PKHD1L1: variants seen among roughly 807,000 people sequenced by gnomAD.
PKHD1L1 encodes fibrocystin-L.
PKHD1L1 carries 434 observed loss-of-function variants against 462.9 expected under a neutral mutation model. That is an observed-to-expected ratio of 0.94 (90% CI 0.87 to 1.02). The LOEUF (loss-of-function observed/expected upper bound fraction) is 1.02, where lower values mean the gene tolerates loss of function less well. Among genes scored for constraint, PKHD1L1 ranks in the 50% least tolerant of loss-of-function variants. PKHD1L1 has a pLI of 0.00. For missense variants in PKHD1L1, 5,202 were observed against 5,096.1 expected (o/e 1.02, Z -0.63); for synonymous variants, 1,781 against 1,750.0 (o/e 1.02, Z -0.44).
rs1468631258 is a variant in PKHD1L1, at chr8:109,440,101, CCT to C, written c.3957-604_3957-603del. Among the ~76,000 whole-genome samples, 19 of 152,060 alleles carry C rather than the reference CCT, an allele frequency of 1.2e-4. No homozygotes were observed. In the East Asian group the frequency reaches 3.5e-3, roughly 28 times the overall value. ...ACAATGATTCACGTGATTTTTTCTGCCTCTCTGCAGTTACGAGGGAAGTTGGG... is the reference window on the plus strand; with the variant it reads ...ACAATGATTCACGTGATTTTTTCTGCCTCTGCAGTTACGAGGGAAGTTGGG... On this transcript the variant is annotated intron_variant, in intron 32 of 77. Coordinates refer to ENST00000378402, the MANE Select transcript of PKHD1L1 (RefSeq NM_177531.6).
chr8:109,372,430 T>C (rs187847905), intron 2 of PKHD1L1, among the ~76,000 whole-genome samples: 2 of 152,344 alleles, frequency 1.3e-5, no homozygotes, highest in African/African-American at 2.4e-5. Flanking sequence ...TATCTAGATA[T>C]ACAATCTCGT....
intron 54 of PKHD1L1, among the ~76,000 whole-genome samples, 165 bp from the exon 55 acceptor site, chr8:109,479,826 T>C (rs999406466): frequency 2.6e-5 from 4 of 152,070 alleles, no homozygotes; most frequent in African/African-American, 9.7e-5. Context: ...AACCTGACCA[T>C]TAATTAACAA....
rs565247810 is a variant in PKHD1L1, at chr8:109,364,891, A to G, written c.163+255A>G. 2.2e-4 allele frequency among the ~76,000 whole-genome samples: 34 copies of G among 152,300 alleles called. 1 individual carries two copies. Among genetic ancestry groups the G allele is most frequent in the Admixed American group, 2.2e-3 (34 of 15,298 alleles). ...CTGGATTAATGACTGAACTAAAAGG[A>G]ATGCAATTAACCCAACTCAGCAATT... On this transcript the variant is annotated intron_variant, in intron 2 of 77. Coordinates refer to ENST00000378402, the MANE Select transcript of PKHD1L1 (RefSeq NM_177531.6).
chr8:109,480,160 G>C, intron 55 of PKHD1L1, 21 bp downstream of exon 55: 1 of 1,518,328 alleles, frequency 6.6e-7, no homozygotes, highest in Non-Finnish European at 8.8e-7. Context: ...GGGCCTTGTA[G>C]TTTATATCTT....
intron 37 of PKHD1L1, 74 bp downstream of exon 37, chr8:109,443,976 A>G: frequency 2.3e-6 from 3 of 1,305,158 alleles, no homozygotes; most frequent in Non-Finnish European, 3.2e-6. Flanking sequence ...TAACCTTGTT[A>G]TTTAATTTTT....
chr8:109,444,170 C>T lies in PKHD1L1; in HGVS notation c.4791+268C>T, dbSNP rs191150664. Among the ~76,000 whole-genome samples, 390 of 152,064 alleles carry T rather than the reference C, an allele frequency of 2.6e-3. 3 individuals are homozygous for T. The highest frequency in any genetic ancestry group is 5.0e-3 in the Admixed American group (76 of 15,280). ...TAGATATCACACCTAACCCCTCCAT[C>T]GATCCCAGCCTAAGGTGGTCTCTAA... is the stretch of plus-strand genomic sequence containing the variant. On this transcript the variant is annotated intron_variant, in intron 37 of 77. Transcript: ENST00000378402.
chr8:109,373,894 A>G (rs1353149564), intron 2 of PKHD1L1, among the ~76,000 whole-genome samples: 1 of 152,070 alleles, frequency 6.6e-6, no homozygotes, highest in Non-Finnish European at 1.5e-5. Flanking sequence ...CTATTCTTTT[A>G]CATTTGCTGA....
At chr8:109,443,616 A>T (rs1815938308) in intron 36 of PKHD1L1, 60 bp from the exon 37 acceptor site, 40 of 1,314,530 alleles carry the variant, frequency 3.0e-5, no homozygotes, top group Non-Finnish European at 3.7e-5. Context: ...ACGCAGTTTG[A>T]AAACAGTTAT....
At chr8:109,474,323 T>C (rs576770904) in intron 50 of PKHD1L1, among the ~76,000 whole-genome samples, 2 of 152,188 alleles carry the variant, frequency 1.3e-5, no homozygotes, top group South Asian at 4.1e-4. Context: ...GGGAGAAAAA[T>C]AGAGGCAGTT....
In PKHD1L1 at chr8:109,401,684, T is replaced by C. The variant is rs76788599; in HGVS notation, c.1373+96T>C. 3,516 of 584,512 alleles carry C rather than the reference T, an allele frequency of 6.0e-3. 20 individuals carry two copies. The highest frequency in any genetic ancestry group is 7.9e-3 in the Non-Finnish European group (2,774 of 348,980). 36.2% of individuals were successfully genotyped at this position (584,512 alleles called of 1,614,324 possible). ...TTCAATTTATTTTTATTGGTGGAAG[T>C]GATATTAGTTTATTGGTTTAATTTA... On this transcript the variant is annotated intron_variant, in intron 14 of 77. Transcript: ENST00000378402.
intron 30 of PKHD1L1, among the ~76,000 whole-genome samples, chr8:109,437,521 G>C (rs1006639189): frequency 2.6e-4 from 34 of 130,868 alleles, no homozygotes; most frequent in Non-Finnish European, 4.7e-4. Flanking sequence ...AGGCCCCAGG[G>C]ACACAGGAAG....
chr8:109,440,636 C>T (rs1815725108), intron 32 of PKHD1L1, 74 bp from the exon 33 acceptor site: 1 of 1,367,804 alleles, frequency 7.3e-7, no homozygotes, highest in Non-Finnish European at 1.0e-6. Flanking sequence ...CTAAAGAAGT[C>T]ATATCCTAGC....
At chr8:109,401,328 AT>A (rs1226503736) in intron 13 of PKHD1L1, among the ~76,000 whole-genome samples, 168 bp from the exon 14 acceptor site, 1 of 150,252 alleles carries the variant, frequency 6.7e-6, no homozygotes, top group African/African-American at 2.4e-5. Context: ...TTTAAAAAAA[AT>A]TTATAGCATA....
At chr8:109,427,306 GT>G (rs780601501) in intron 25 of PKHD1L1, 150 bp downstream of exon 25, 3 of 661,790 alleles carry the variant, frequency 4.5e-6, no homozygotes, top group East Asian at 2.8e-5. Flanking sequence ...TAAGGAGAAG[GT>G]TTTTTTCTAA....
intron 38 of PKHD1L1, among the ~76,000 whole-genome samples, chr8:109,447,202 G>A (rs1016706567): frequency 1.3e-5 from 2 of 152,270 alleles, no homozygotes; most frequent in South Asian, 2.1e-4. Context: ...CAGCCTGGGC[G>A]ACAGAGCGAG....
chr8:109,520,079 G>T (rs1393538746), intron 73 of PKHD1L1, among the ~76,000 whole-genome samples: 1 of 152,150 alleles, frequency 6.6e-6, no homozygotes, highest in Non-Finnish European at 1.5e-5. Context: ...GGATAAGCCT[G>T]TGGGAAGGCT....
In PKHD1L1 at chr8:109,438,346, T is replaced by C. The variant is rs1250214189; in HGVS notation, c.3650T>C (p.Ile1217Thr). Residue 1217 changes from isoleucine (I) to threonine (T), a missense_variant, in exon 31 of 78, where the codon ATT (isoleucine) becomes ACT (threonine). Coordinates refer to ENST00000378402, the MANE Select transcript of PKHD1L1 (RefSeq NM_177531.6). ...TPKKTEGTVD[I>T]SVTTNGFQAT... ...TAGAAAACTGAGGGTACAGTTGATA[T>C]TTCAGTTACTACCAATGGATTTCAA... is the stretch of plus-strand genomic sequence containing the variant. 7 of 1,528,576 alleles carry C rather than the reference T, an allele frequency of 4.6e-6. No homozygotes were observed. Among genetic ancestry groups the C allele is most frequent in the Middle Eastern group, 1.7e-4 (1 of 5,860 alleles). 94.7% of individuals were successfully genotyped at this position (1,528,576 alleles called of 1,614,324 possible). A position where few individuals can be genotyped will look rare whatever the true frequency, so the allele number is the denominator to read the frequency against.
rs1818548408 is a variant in PKHD1L1, at chr8:109,486,743, T to A, written c.9802T>A (p.Tyr3268Asn). The stretch of plus-strand genomic sequence containing the variant: ...GAACATCAAAATAGTTGGTGAAGAT[T>A]ACCCCGGTTGGTCTGAGGACTCTTT... Reference protein sequence around the residue: ...SRNIKIVGEDYPGWSEDSFGA... With the variant: ...SRNIKIVGEDNPGWSEDSFGA... The change falls in exon 59 of 78, where the codon TAC becomes AAC. Residue 3268 changes from tyrosine (Y) to asparagine (N), a missense_variant. By Grantham distance (143) the Tyr-to-Asn change is moderately radical (BLOSUM62 -2). Transcript: ENST00000378402. The A allele has an allele frequency of 6.2e-7, 1 of 1,612,320 alleles. No individual in the cohort carries two copies. Among genetic ancestry groups the A allele is most frequent in the African/African-American group, 1.3e-5 (1 of 74,738 alleles).
intron 19 of PKHD1L1, 100 bp from the exon 20 acceptor site, chr8:109,412,165 A>G (rs1453125712): frequency 3.5e-6 from 4 of 1,155,426 alleles, no homozygotes; most frequent in Non-Finnish European, 4.8e-6. Flanking sequence ...CAGGGAAACA[A>G]TGGGATCTGG....
Sources: gnomAD v4.1 joint callset for allele counts (sites outside exome capture counted in the v4.1 genomes callset) on GRCh38, gnomAD v4.1.1 for gene constraint, MANE v1.5 for transcripts, NCBI Gene and HGNC (gene_info 2026-07-23, HGNC 2026-07-21) for gene names.